The following AQP7B variants were observed in gnomAD, a reference collection of about 807,000 sequenced individuals.
The protein encoded by AQP7B is aquaporin 7B.
the AQP7B span, among the ~76,000 whole-genome samples, chr2:94,590,113 T>G: frequency 6.6e-6 from 1 of 152,138 alleles, no homozygotes; most frequent in Non-Finnish European, 1.5e-5. Flanking sequence ...TTAAACAGAG[T>G]GACCCAAGAG....
At chr2:94,601,115 G>C in the AQP7B span, among the ~76,000 whole-genome samples, 2 of 152,326 alleles carry the variant, frequency 1.3e-5, no homozygotes, top group African/African-American at 4.8e-5. Flanking sequence ...CAGCGCAGTC[G>C]TTTGGTTTGA....
chr2:94,597,198 C>A, the AQP7B span, among the ~76,000 whole-genome samples: 1 of 152,170 alleles, frequency 6.6e-6, no homozygotes, highest in Non-Finnish European at 1.5e-5. Context: ...GTGAGGACAG[C>A]AGTTGGATCC....
chr2:94,594,697 C>A, the AQP7B span: 2 of 1,337,368 alleles, frequency 1.5e-6, no homozygotes, highest in Non-Finnish European at 2.1e-6. Flanking sequence ...GGGCAGCAGG[C>A]AAACTTGAGT....
the AQP7B span, among the ~76,000 whole-genome samples, chr2:94,593,101 C>T: frequency 9.2e-5 from 14 of 152,046 alleles, no homozygotes; most frequent in South Asian, 2.1e-4. Flanking sequence ...GGATTACAGG[C>T]GTGAGCCACT....
the AQP7B span, among the ~76,000 whole-genome samples, chr2:94,593,766 G>A: frequency 3.3e-4 from 50 of 152,028 alleles, no homozygotes; most frequent in African/African-American, 9.6e-4. Flanking sequence ...GATTATAGGC[G>A]TGAGCTACCG....
the AQP7B span, among the ~76,000 whole-genome samples, chr2:94,601,370 GC>G: frequency 6.6e-6 from 1 of 152,184 alleles, no homozygotes; most frequent in Admixed American, 6.5e-5. Context: ...AGCCTGAGAC[GC>G]CCACGGAACA....
the AQP7B span, chr2:94,588,392 G>C: frequency 1.6e-6 from 1 of 617,192 alleles, no homozygotes; most frequent in Non-Finnish European, 2.9e-6. Flanking sequence ...AGTGGCACTA[G>C]CAGGAGCTGC....
chr2:94,590,567 G>A, the AQP7B span, among the ~76,000 whole-genome samples: 1 of 152,090 alleles, frequency 6.6e-6, no homozygotes, highest in Non-Finnish European at 1.5e-5. Flanking sequence ...GTTTATGGTT[G>A]ACTGGTTGAT....
chr2:94,596,402 A>G, the AQP7B span, among the ~76,000 whole-genome samples: 1 of 152,154 alleles, frequency 6.6e-6, no homozygotes, highest in Non-Finnish European at 1.5e-5. Context: ...CTGGGAAGGG[A>G]GGCAAAGGCA....
At chr2:94,599,444 C>CT in the AQP7B span, among the ~76,000 whole-genome samples, 757 of 148,504 alleles carry the variant, frequency 5.1e-3, 5 homozygotes, top group African/African-American at 0.016. Flanking sequence ...TGTACTCTGA[C>CT]TTTTTTTTTT....
the AQP7B span, among the ~76,000 whole-genome samples, chr2:94,589,526 G>GT: frequency 6.6e-5 from 10 of 152,076 alleles, no homozygotes; most frequent in South Asian, 4.2e-4. Flanking sequence ...TCCTTGCTCT[G>GT]TTTTTTTCCA....
chr2:94,599,829 G>C, the AQP7B span, among the ~76,000 whole-genome samples: 1 of 151,400 alleles, frequency 6.6e-6, no homozygotes, highest in Non-Finnish European at 1.5e-5. Flanking sequence ...CCTCAGGCAA[G>C]TTCTCGAAGA....
At chr2:94,596,952 G>A in the AQP7B span, among the ~76,000 whole-genome samples, 7 of 152,070 alleles carry the variant, frequency 4.6e-5, no homozygotes, top group African/African-American at 1.2e-4. Context: ...TTCCTGCCTC[G>A]GCCTCCCAAA....
At chr2:94,589,172 T>C in the AQP7B span, among the ~76,000 whole-genome samples, 1 of 151,614 alleles carries the variant, frequency 6.6e-6, no homozygotes, top group African/African-American at 2.4e-5. Context: ...TTGTTGTTTT[T>C]TTTTTTTTGT....
At chr2:94,597,658 G>T in the AQP7B span, among the ~76,000 whole-genome samples, 28 of 143,320 alleles carry the variant, frequency 2.0e-4, no homozygotes, top group African/African-American at 6.6e-4. Flanking sequence ...TTCCTTTGTC[G>T]CAGTGGTGCA....
At chr2:94,589,310 C>T in the AQP7B span, among the ~76,000 whole-genome samples, 1 of 152,020 alleles carries the variant, frequency 6.6e-6, no homozygotes, top group Non-Finnish European at 1.5e-5. Context: ...CACCTGGCCT[C>T]ACACTGACTT....
At chr2:94,604,622 T>A in the AQP7B span, 3 of 1,500,406 alleles carry the variant, frequency 2.0e-6, no homozygotes, top group Non-Finnish European at 2.7e-6. Context: ...GCAAAGCTTG[T>A]CCCACAGCAG....
chr2:94,590,772 A>G, the AQP7B span, among the ~76,000 whole-genome samples: 2 of 151,452 alleles, frequency 1.3e-5, no homozygotes, highest in Non-Finnish European at 2.9e-5. Context: ...GCAAAACCCC[A>G]TCTCTACAAA....
the AQP7B span, chr2:94,604,268 C>T: frequency 1.3e-6 from 2 of 1,582,644 alleles, no homozygotes; most frequent in Non-Finnish European, 1.7e-6. Context: ...CCTCAGCAGG[C>T]CTCTGCCTCT....
Sources: gnomAD v4.1 joint callset for allele counts (sites outside exome capture counted in the v4.1 genomes callset) on GRCh38, gnomAD v4.1.1 for gene constraint, MANE v1.5 for transcripts, NCBI Gene and HGNC (gene_info 2026-07-23, HGNC 2026-07-21) for gene names.